Variants in FGD4 observed in about 807,000 individuals in gnomAD.
FGD4 encodes the protein FYVE, RhoGEF and PH domain containing 4.
FGD4 carries 42 observed loss-of-function variants against 102.0 expected under a neutral mutation model. That is an observed-to-expected ratio of 0.41 (90% CI 0.32 to 0.53). The LOEUF (loss-of-function observed/expected upper bound fraction) is 0.53. Among genes scored for constraint, FGD4 ranks in the 20% least tolerant of loss-of-function variants. The pLI is 0.21. For synonymous variants in FGD4, 380 were observed against 375.7 expected, an observed-to-expected ratio of 1.01 and a Z score of -0.13; for missense variants, 902 against 1,078.2, an observed-to-expected ratio of 0.84 and a Z score of 2.29.
rs1459288797 is a variant in FGD4, at chr12:32,534,345, G to A, written c.167-29792G>A. On this transcript the variant is annotated intron_variant, in intron 1 of 16. Transcript: ENST00000534526. Reference sequence around the variant, plus strand: ...TCATAGTGCATTGGTCTGAGCTCCTGGCAGATCCTGTGTAATCTTCAGCCT... The same window carrying A: ...TCATAGTGCATTGGTCTGAGCTCCTAGCAGATCCTGTGTAATCTTCAGCCT... The A allele has an allele frequency of 7.4e-5, 106 of 1,439,046 alleles. 1 individual carries two copies. The highest frequency in any genetic ancestry group is 9.1e-5 in the Non-Finnish European group (100 of 1,100,098). The allele number at this position is 1,439,046 out of a possible 1,614,324, so 89.1% of individuals were successfully genotyped here. A position where few individuals can be genotyped will look rare whatever the true frequency, so the allele number is the denominator to read the frequency against.
At chr12:32,519,119 G>GACAAA (rs1940227254) in intron 1 of FGD4, among the ~76,000 whole-genome samples, 1 of 73,428 alleles carries the variant, frequency 1.4e-5, no homozygotes, top group Non-Finnish European at 2.6e-5. Context: ...TCCGTCTCAG[G>GACAAA]AAAAAAAAAA....
rs1388746739 is a variant in FGD4, at chr12:32,643,592, A to G, written c.*3059A>G. 6.6e-6 allele frequency: 1 copy of G among 151,928 alleles called. No individual in the cohort carries two copies. The highest frequency in any genetic ancestry group is 2.4e-5 in the African/African-American group (1 of 41,406). 9.4% of individuals were successfully genotyped at this position (151,928 alleles called of 1,614,324 possible). A position where few individuals can be genotyped will look rare whatever the true frequency, so the allele number is the denominator to read the frequency against. On this transcript the variant is annotated 3_prime_UTR_variant, in exon 17 of 17. Transcript: ENST00000534526. ...TGACTTAACTTACCCCAATTTTTTT[A>G]AAAATTATTAAACTTTTTACAGAAA... is the stretch of plus-strand genomic sequence containing the variant.
chr12:32,534,635 C>T (rs1421855061), intron 1 of FGD4: 4 of 511,522 alleles, frequency 7.8e-6, no homozygotes, highest in Non-Finnish European at 1.3e-5. Flanking sequence ...CATTGGTTTT[C>T]AAGTTCAAGA....
At chr12:32,484,094 G>A (rs1254064400) in intron 1 of FGD4, among the ~76,000 whole-genome samples, 1 of 151,998 alleles carries the variant, frequency 6.6e-6, no homozygotes, top group Admixed American at 6.6e-5. Context: ...AAAAAAATCC[G>A]TTGGGAGCTC....
chr12:32,429,111 T>G (rs1941955631), intron 1 of FGD4, among the ~76,000 whole-genome samples: 1 of 152,162 alleles, frequency 6.6e-6, no homozygotes, highest in African/African-American at 2.4e-5. Flanking sequence ...GTGTTCTGGT[T>G]TTTGGAATTT....
At chr12:32,438,670 C>T (rs781007724) in intron 1 of FGD4, among the ~76,000 whole-genome samples, 40 of 150,424 alleles carry the variant, frequency 2.7e-4, no homozygotes, top group African/African-American at 5.1e-4. Context: ...AGTGCAGTGG[C>T]GCGATCTCAA....
intron 1 of FGD4, among the ~76,000 whole-genome samples, chr12:32,537,747 G>A (rs1942421768): frequency 6.6e-6 from 1 of 152,112 alleles, no homozygotes; most frequent in Non-Finnish European, 1.5e-5. Flanking sequence ...AATATGTTAT[G>A]CCTTATTCCC....
intron 10 of FGD4, 135 bp downstream of exon 10, chr12:32,611,418 C>A: frequency 1.0e-6 from 1 of 1,002,856 alleles, no homozygotes; most frequent in Non-Finnish European, 1.5e-6. Flanking sequence ...GAGTTTGAGA[C>A]CAGTCTACTA....
chr12:32,432,267 A>C (rs1942073430), intron 1 of FGD4, among the ~76,000 whole-genome samples: 1 of 150,914 alleles, frequency 6.6e-6, no homozygotes, highest in African/African-American at 2.4e-5. Flanking sequence ...TCACCATGTT[A>C]GCCAGGATGG....
intron 2 of FGD4, among the ~76,000 whole-genome samples, chr12:32,574,320 T>C (rs1218855926): frequency 6.7e-6 from 1 of 148,536 alleles, no homozygotes; most frequent in Non-Finnish European, 1.5e-5. Flanking sequence ...GAATTATTCA[T>C]AACCTTAAGT....
intron 1 of FGD4, among the ~76,000 whole-genome samples, chr12:32,461,962 T>A (rs1565754265): frequency 1.3e-5 from 2 of 152,108 alleles, no homozygotes; most frequent in Non-Finnish European, 2.9e-5. Context: ...TCTGACCTCG[T>A]GATCCACCCG....
In FGD4 at chr12:32,620,119, A is replaced by C. The variant is rs116900630; in HGVS notation, c.1922+249A>C. On this transcript the variant is annotated intron_variant, in intron 11 of 16. Transcript: ENST00000534526. ...TTCAGTAAATTGATTAACTCTTCAG[A>C]AATACAGGGTACTCAGAGGATGAAA... 7.0e-3 allele frequency among the ~76,000 whole-genome samples: 1,071 copies of C among 152,302 alleles called. 4 individuals carry two copies. The highest frequency in any genetic ancestry group is 0.011 in the Non-Finnish European group (766 of 68,032).
At chr12:32,616,127 A>G (rs926488189) in intron 10 of FGD4, among the ~76,000 whole-genome samples, 3 of 152,214 alleles carry the variant, frequency 2.0e-5, no homozygotes, top group Admixed American at 1.3e-4. Context: ...TTCAGTTGCT[A>G]GGATCATTTT....
At chr12:32,633,249 A>G (rs1447980210) in intron 14 of FGD4, among the ~76,000 whole-genome samples, 1 of 152,068 alleles carries the variant, frequency 6.6e-6, no homozygotes, top group Admixed American at 6.6e-5. Context: ...AAGAGAGACC[A>G]GGGAAGTTCG....
At chr12:32,536,724 G>T (rs191881630) in intron 1 of FGD4, among the ~76,000 whole-genome samples, 1 of 152,146 alleles carries the variant, frequency 6.6e-6, no homozygotes, top group Non-Finnish European at 1.5e-5. Context: ...AGTGTTAATC[G>T]TAGAATTTGG....
At chr12:32,470,734 G>A (rs538980487) in intron 1 of FGD4, among the ~76,000 whole-genome samples, 34 of 152,268 alleles carry the variant, frequency 2.2e-4, no homozygotes, top group East Asian at 1.2e-3. Context: ...GATTACAGGC[G>A]TGAGCCGCTG....
intron 4 of FGD4, among the ~76,000 whole-genome samples, chr12:32,596,585 T>TG (rs998375453): frequency 8.6e-5 from 13 of 152,018 alleles, no homozygotes; most frequent in Non-Finnish European, 1.5e-4. Flanking sequence ...ATGGAAAGTT[T>TG]TTTTTTTTTT....
chr12:32,636,219 G>C (rs957976965), intron 15 of FGD4, among the ~76,000 whole-genome samples: 1 of 151,986 alleles, frequency 6.6e-6, no homozygotes, highest in Non-Finnish European at 1.5e-5. Flanking sequence ...GTGAGTTATC[G>C]TCTGCTAACC....
Position 32,598,630 on chromosome 12 carries a change from A to G in FGD4, c.1101+44A>G, listed in dbSNP as rs200273470. On this transcript the variant is annotated intron_variant, in intron 5 of 16. Coordinates refer to ENST00000534526, the MANE Select transcript of FGD4 (RefSeq NM_001370298.3). ...GAATTATTTTATATTTTGGCATTAT[A>G]CATCATTTTAACCTAGTAATTAGAG... 3.9e-4 allele frequency: 579 copies of G among 1,499,816 alleles called. 3 individuals are homozygous for G. The African/African-American group carries it at 6.6e-3, about 17-fold the overall frequency. The allele number at this position is 1,499,816 out of a possible 1,614,324, so 92.9% of individuals were successfully genotyped here. A position where few individuals can be genotyped will look rare whatever the true frequency, so the allele number is the denominator to read the frequency against.
Sources: gnomAD v4.1 joint callset for allele counts (sites outside exome capture counted in the v4.1 genomes callset) on GRCh38, gnomAD v4.1.1 for gene constraint, MANE v1.5 for transcripts, NCBI Gene and HGNC (gene_info 2026-07-23, HGNC 2026-07-21) for gene names.